Variants in ANKS1A observed in about 807,000 individuals in gnomAD.
ANKS1A encodes the protein ankyrin repeat and SAM domain-containing protein 1A.
A neutral mutation model predicts 120.3 loss-of-function variants in ANKS1A; 55 were observed. The ratio of observed to expected loss-of-function variants is 0.46; its 90% confidence interval spans 0.37 to 0.57. ANKS1A has a LOEUF of 0.57. ANKS1A is among the 20% of genes least tolerant of loss of function. ANKS1A has a pLI of 0.00. For synonymous variants in ANKS1A, 590 were observed against 604.7 expected (o/e 0.98, Z 0.36); for missense variants, 1,123 against 1,480.3 (o/e 0.76, Z 3.96).
chr6:35,084,060 G>A lies in ANKS1A; in HGVS notation c.2995-61G>A. ...ACAGTGACAATGGTAACAGGCTGGG[G>A]CAGGGGGTGCCAGAGGCATGCCTGA... On this transcript the variant is annotated intron_variant, in intron 20 of 23. Coordinates refer to ENST00000360359, the MANE Select transcript of ANKS1A (RefSeq NM_015245.3). This position sits in a 1 kb window ranked among gnomAD's most constrained non-coding sequence, Gnocchi z 4.8. The A allele has an allele frequency of 6.2e-7, 1 of 1,601,598 alleles. No homozygotes were observed. The highest frequency in any genetic ancestry group is 8.5e-7 in the Non-Finnish European group (1 of 1,172,432).
chr6:35,029,315 T>G (rs1366161163), intron 11 of ANKS1A, among the ~76,000 whole-genome samples: 1 of 151,894 alleles, frequency 6.6e-6, no homozygotes, highest in Non-Finnish European at 1.5e-5. Flanking sequence ...AGAATTTTTA[T>G]GTAGTTGAAT....
In ANKS1A at chr6:35,020,354, A is replaced by G. The variant is rs1405337086; in HGVS notation, c.2010+2295A>G. ...AAACTAGAGATGATTTAGAATATAC[A>G]AGATGTGTGTAGGTTATATGCAATG... On this transcript the variant is annotated intron_variant, in intron 11 of 23. Transcript: ENST00000360359. Among the ~76,000 whole-genome samples, 3 of 152,354 alleles carry G rather than the reference A, an allele frequency of 2.0e-5. No individual in the cohort carries two copies. The East Asian group carries it at 5.8e-4, about 29-fold the overall frequency.
rs759935652 is a variant in ANKS1A, at chr6:35,084,300, CA to C, written c.3132+43del. 1.2e-6 allele frequency: 2 copies of C among 1,607,844 alleles called. No individual in the cohort carries two copies. The highest frequency in any genetic ancestry group is 1.7e-6 in the Non-Finnish European group (2 of 1,177,764). On this transcript the variant is annotated intron_variant, in intron 21 of 23. Coordinates refer to ENST00000360359, the MANE Select transcript of ANKS1A (RefSeq NM_015245.3). The surrounding 1 kb of genome is among the most constrained non-coding windows in gnomAD (Gnocchi z 4.8). ...GGCCGGGTGGGGCAGGCTTGGGTTG[CA>C]GCCCTGAGGCGTCCAGCCCCATTGC...
rs574760208 is a variant in ANKS1A, at chr6:34,940,972, A to G, written c.198-26267A>G. On this transcript the variant is annotated intron_variant, in intron 1 of 23. Transcript: ENST00000360359. ...AAAAAGTCAAACAATGGCAACATCTATAGTATTTCTACCTCTAAAAAAAAT... is the reference window on the plus strand; with the variant it reads ...AAAAAGTCAAACAATGGCAACATCTGTAGTATTTCTACCTCTAAAAAAAAT... Among the ~76,000 whole-genome samples the G allele has an allele frequency of 4.6e-5, 7 of 152,132 alleles. No homozygotes were observed. In the South Asian group the frequency reaches 6.2e-4, roughly 14 times the overall value.
At chr6:34,983,493 A>G in intron 7 of ANKS1A, 68 bp downstream of exon 7, 1 of 1,273,892 alleles carries the variant, frequency 7.8e-7, no homozygotes, top group African/African-American at 1.5e-5. Flanking sequence ...TCGTGGGCAG[A>G]ATGGAAAAAT....
At chr6:35,051,889 T>G (rs922537680) in intron 11 of ANKS1A, among the ~76,000 whole-genome samples, 5 of 152,228 alleles carry the variant, frequency 3.3e-5, no homozygotes, top group African/African-American at 9.6e-5. Flanking sequence ...AGAGCGGAAG[T>G]GGAAAGCAAA....
At position 35,039,090 on chromosome 6, in the gene ANKS1A, GT is replaced by G. The variant is rs764767859; in HGVS notation, c.2011-15008del. Among the ~76,000 whole-genome samples, 81 of 26,452 alleles carry G rather than the reference GT, an allele frequency of 3.1e-3. 1 individual carries two copies. Among genetic ancestry groups the G allele is most frequent in the African/African-American group, 3.8e-3 (70 of 18,538 alleles). The allele number at this position is 26,452 out of a possible 152,430, so 17.4% of individuals were successfully genotyped here. On this transcript the variant is annotated intron_variant, in intron 11 of 23. Transcript: ENST00000360359. ...GTTTTGCATGTATGTGTGTGTGTGT[GT>G]GGGGGGGGGTTATATGCATTTTTAT... is the stretch of plus-strand genomic sequence containing the variant.
intron 11 of ANKS1A, chr6:35,039,582 A>G (rs1036178084): frequency 6.6e-6 from 3 of 456,628 alleles, no homozygotes; most frequent in Non-Finnish European, 1.3e-5. Flanking sequence ...AGGAAGGAAA[A>G]TGGCCCACAC....
chr6:35,077,738 T>C (rs1266424001), intron 13 of ANKS1A, among the ~76,000 whole-genome samples: 1 of 152,178 alleles, frequency 6.6e-6, no homozygotes, highest in African/African-American at 2.4e-5. Context: ...CCACTAGATG[T>C]GTGATGTCAA....
At chr6:34,917,871 T>C (rs1050198412) in intron 1 of ANKS1A, among the ~76,000 whole-genome samples, 9 of 152,136 alleles carry the variant, frequency 5.9e-5, no homozygotes, top group African/African-American at 1.7e-4. Flanking sequence ...AACTCTGGGA[T>C]TGTACAATCC....
intron 3 of ANKS1A, among the ~76,000 whole-genome samples, 170 bp downstream of exon 3, chr6:34,970,336 G>A (rs1771116719): frequency 6.6e-6 from 1 of 152,054 alleles, no homozygotes; most frequent in South Asian, 2.1e-4. Context: ...CCCTAATTGT[G>A]ATTCCCCTCT....
intron 12 of ANKS1A, 82 bp downstream of exon 12, chr6:35,054,247 G>T: frequency 7.3e-7 from 1 of 1,365,514 alleles, no homozygotes; most frequent in South Asian, 1.2e-5. Context: ...TAACACAGAA[G>T]ACAGACATTC....
intron 11 of ANKS1A, chr6:35,039,786 C>A: frequency 2.9e-6 from 1 of 342,068 alleles, no homozygotes; most frequent in Non-Finnish European, 5.8e-6. Flanking sequence ...AGGCCTAAGT[C>A]ATGTATTAGG....
chr6:35,088,316 A>C (rs1248992784), intron 23 of ANKS1A, among the ~76,000 whole-genome samples: 1 of 152,176 alleles, frequency 6.6e-6, no homozygotes. Flanking sequence ...AGCCGTGCAC[A>C]CATAGCAGAG....
At chr6:35,029,551 A>G (rs190772046) in intron 11 of ANKS1A, among the ~76,000 whole-genome samples, 39 of 151,322 alleles carry the variant, frequency 2.6e-4, no homozygotes, top group African/African-American at 9.2e-4. Flanking sequence ...GTTTCACCAT[A>G]TTAGGCCAGG....
At chr6:34,924,222 T>C (rs1049920806) in intron 1 of ANKS1A, among the ~76,000 whole-genome samples, 8 of 152,124 alleles carry the variant, frequency 5.3e-5, no homozygotes, top group African/African-American at 1.9e-4. Flanking sequence ...GGTTTTTAAA[T>C]ACATTTTCCT....
chr6:35,078,779 T>G, intron 14 of ANKS1A, 123 bp downstream of exon 14: 98 of 839,920 alleles, frequency 1.2e-4, no homozygotes, highest in Middle Eastern at 3.4e-4. Flanking sequence ...GCAGGACCTC[T>G]ACCCCTCACC....
intron 17 of ANKS1A, among the ~76,000 whole-genome samples, chr6:35,081,800 T>C (rs1777701010): frequency 6.6e-6 from 1 of 152,202 alleles, no homozygotes; most frequent in African/African-American, 2.4e-5. Flanking sequence ...GTCCTGGATT[T>C]ACTCAGGACC....
chr6:34,969,907 A>G, intron 2 of ANKS1A, 103 bp from the exon 3 acceptor site: 1 of 1,381,754 alleles, frequency 7.2e-7, no homozygotes, highest in Non-Finnish European at 9.9e-7. Flanking sequence ...CAGGAGCCAA[A>G]TGAGATATCT....
Sources: gnomAD v4.1 joint callset for allele counts (sites outside exome capture counted in the v4.1 genomes callset) on GRCh38, gnomAD v4.1.1 for gene constraint, Gnocchi (gnomAD v3.1) non-coding constraint, MANE v1.5 for transcripts, NCBI Gene and HGNC (gene_info 2026-07-23, HGNC 2026-07-21) for gene names.